Variants in BCOR observed in about 807,000 individuals in gnomAD.
BCOR encodes the protein BCL6 corepressor, also known as BCL-6 corepressor.
Under a neutral mutation model 86.7 loss-of-function variants are expected in BCOR, and 10 were observed. The observed-to-expected ratio is 0.12, with a 90% CI of 0.07 to 0.20. The LOEUF is 0.20. BCOR is among the 10% of genes least tolerant of loss of function. The pLI is 1.00. For missense variants in BCOR, 1,259 were observed against 1,452.1 expected, an observed-to-expected ratio of 0.87 and a Z score of 2.16; for synonymous variants, 611 against 609.0, an observed-to-expected ratio of 1.00 and a Z score of -0.05.
In BCOR at chrX:40,074,192, G is replaced by A. The variant is rs1177018779; in HGVS notation, c.1154C>T (p.Ala385Val). ...PYMTVSSEFP[A>V]ARLSNGKYPK... is the part of the protein sequence containing the mutation. ...ATACTTGCCATTGGAGAGCCTGGCCGCGGGGAACTCGCTGCTAACTGTCAT... is the reference window on the plus strand; with the variant it reads ...ATACTTGCCATTGGAGAGCCTGGCCACGGGGAACTCGCTGCTAACTGTCAT... Residue 385 changes from alanine to valine, a missense_variant, in exon 4 of 15, where the codon GCG (alanine) becomes GTG (valine). Ala to Val is a moderately conservative substitution (Grantham distance 64, BLOSUM62 0). This residue lies in a region of BCOR where 534 missense variants were observed against 594.8 expected (regional missense o/e 0.90). Transcript: ENST00000378444. 1.3e-5 allele frequency: 16 copies of A among 1,211,082 alleles called. No individual in the cohort carries two copies. The highest frequency in any genetic ancestry group is 3.0e-5 in the East Asian group (1 of 33,782).
At chrX:40,109,048 G>A (rs914109095) in intron 1 of BCOR, among the ~76,000 whole-genome samples, 3 of 113,083 alleles carry the variant, frequency 2.7e-5, no homozygotes, top group African/African-American at 9.6e-5. Flanking sequence ...GCCCTGGCCC[G>A]CACGATTCGC....
intron 1 of BCOR, among the ~76,000 whole-genome samples, chrX:40,160,980 T>C (rs144496970): frequency 0.015 from 1,550 of 105,237 alleles, 23 homozygotes; most frequent in African/African-American, 0.052. Flanking sequence ...CGGCCTTTTT[T>C]ATTTTTTTTT....
chrX:40,170,524 T>C (rs902000958), intron 1 of BCOR, among the ~76,000 whole-genome samples: 4 of 110,926 alleles, frequency 3.6e-5, no homozygotes, highest in African/African-American at 1.3e-4. Flanking sequence ...ATTTTTTGTA[T>C]TTTTACTAGA....
At position 40,055,024 on chromosome X, in the gene BCOR, G is replaced by C. The variant is rs143352179; in HGVS notation, c.4741+344C>G. On this transcript the variant is annotated intron_variant, in intron 12 of 14. Transcript: ENST00000378444. ...CCAGGGCTTAAGTAATGGGTTATCT[G>C]ATGACCTAACACCATAAACCTGTCC... Among the ~76,000 whole-genome samples the C allele has an allele frequency of 5.8e-3, 646 of 112,286 alleles. 2 individuals are homozygous for C. The highest frequency in any genetic ancestry group is 0.02 in the African/African-American group (616 of 30,901).
intron 1 of BCOR, among the ~76,000 whole-genome samples, chrX:40,137,442 G>A (rs1403673387): frequency 1.8e-5 from 2 of 109,726 alleles, no homozygotes; most frequent in African/African-American, 6.7e-5. Flanking sequence ...CAGCTACTTG[G>A]GAGGCTGAGG....
intron 1 of BCOR, among the ~76,000 whole-genome samples, chrX:40,096,472 C>T (rs1364427269): frequency 9.0e-6 from 1 of 110,968 alleles, no homozygotes; most frequent in Non-Finnish European, 1.9e-5. Context: ...GGCTGGCGGG[C>T]GGGCCAAGTC....
intron 1 of BCOR, among the ~76,000 whole-genome samples, chrX:40,093,888 G>T (rs955614198): frequency 1.8e-5 from 2 of 111,448 alleles, no homozygotes; most frequent in African/African-American, 3.3e-5. Context: ...TAAAGTGAGG[G>T]TGTTCATTGT....
intron 1 of BCOR, among the ~76,000 whole-genome samples, chrX:40,171,850 G>A (rs928681039): frequency 4.4e-5 from 5 of 113,315 alleles, no homozygotes; most frequent in Non-Finnish European, 9.4e-5. Flanking sequence ...CGGCTCCCCT[G>A]GGTTTCAAGG....
chrX:40,058,164 G>T (rs1475871549), intron 10 of BCOR, among the ~76,000 whole-genome samples: 1 of 112,529 alleles, frequency 8.9e-6, no homozygotes, highest in African/African-American at 3.2e-5. Context: ...CGCATCAACA[G>T]TTTGCATGAG....
chrX:40,101,545 A>C (rs1261885059), upstream of BCOR, among the ~76,000 whole-genome samples: 2 of 112,873 alleles, frequency 1.8e-5, no homozygotes, highest in Non-Finnish European at 3.8e-5. Flanking sequence ...CCTCAGGCTA[A>C]CCAGGCCCTG....
chrX:40,093,958 C>A (rs1184253341), intron 1 of BCOR, among the ~76,000 whole-genome samples: 1 of 111,189 alleles, frequency 9.0e-6, no homozygotes, highest in Non-Finnish European at 1.9e-5. Flanking sequence ...CTAGCAGCTG[C>A]GTTTGGTTTG....
chrX:40,095,228 C>G (rs1000039105), intron 1 of BCOR, among the ~76,000 whole-genome samples: 2 of 112,247 alleles, frequency 1.8e-5, no homozygotes, highest in Non-Finnish European at 3.8e-5. Context: ...CACCAGATAA[C>G]AGGTCGAGAG....
At chrX:40,111,603 G>A (rs1937313164) in intron 1 of BCOR, among the ~76,000 whole-genome samples, 1 of 111,975 alleles carries the variant, frequency 8.9e-6, no homozygotes, top group African/African-American at 3.3e-5. Context: ...TATTGATATG[G>A]AAAGACCCCC....
chrX:40,058,151 TTCCGCA>T (rs1290836248), intron 10 of BCOR, among the ~76,000 whole-genome samples: 1 of 112,758 alleles, frequency 8.9e-6, no homozygotes, highest in African/African-American at 3.2e-5. Flanking sequence ...GCAGAATGTG[TTCCGCA>T]TCAACAGTTT....
intron 1 of BCOR, among the ~76,000 whole-genome samples, chrX:40,120,287 C>G (rs1293228203): frequency 1.8e-5 from 2 of 111,373 alleles, no homozygotes; most frequent in Non-Finnish European, 3.8e-5. Context: ...AGCCTTTCCC[C>G]ATTGTGGCCC....
At chrX:40,110,720 T>C (rs1937295693) in intron 1 of BCOR, among the ~76,000 whole-genome samples, 1 of 54,022 alleles carries the variant, frequency 1.9e-5, no homozygotes, top group East Asian at 6.4e-4. Flanking sequence ...TTTTTTTTTT[T>C]TTTTTTTGAG....
chrX:40,082,100 G>C, intron 1 of BCOR, among the ~76,000 whole-genome samples: 1 of 112,165 alleles, frequency 8.9e-6, no homozygotes, highest in East Asian at 2.8e-4. Flanking sequence ...TGGCAGAAGG[G>C]GGGCGTCGAG....
chrX:40,129,777 C>T (rs944887983), intron 1 of BCOR, among the ~76,000 whole-genome samples: 37 of 110,672 alleles, frequency 3.3e-4, no homozygotes, highest in African/African-American at 1.2e-3. Flanking sequence ...CGGTGGCTCA[C>T]GCCTGTAAAC....
intron 1 of BCOR, among the ~76,000 whole-genome samples, chrX:40,158,518 G>A (rs1938348587): frequency 8.9e-6 from 1 of 112,717 alleles, no homozygotes; most frequent in East Asian, 2.8e-4. Context: ...CCTGGTGAAA[G>A]CGTGGCCTGT....
Sources: gnomAD v4.1 joint callset for allele counts (sites outside exome capture counted in the v4.1 genomes callset) on GRCh38, gnomAD v4.1.1 for gene constraint, gnomAD v4.1.1 regional missense constraint, MANE v1.5 for transcripts, NCBI Gene and HGNC (gene_info 2026-07-23, HGNC 2026-07-21) for gene names.